The following TUSC3 variants were observed in gnomAD, a reference collection of about 807,000 sequenced individuals.
The protein encoded by TUSC3 is dolichyl-diphosphooligosaccharide--protein glycosyltransferase subunit TUSC3.
Under a neutral mutation model 44.8 loss-of-function variants are expected in TUSC3, and 45 were observed. The observed-to-expected ratio is 1.00, with a 90% CI of 0.79 to 1.29. The LOEUF (loss-of-function observed/expected upper bound fraction) is 1.29. Ranked by LOEUF, TUSC3 falls within the 50% of genes most tolerant of loss-of-function variation. TUSC3 has a pLI of 0.00. For missense variants in TUSC3, 519 were observed against 437.9 expected, an observed-to-expected ratio of 1.19 and a Z score of -1.65; for synonymous variants, 212 against 152.9, an observed-to-expected ratio of 1.39 and a Z score of -2.85.
intron 2 of TUSC3, among the ~76,000 whole-genome samples, chr8:15,508,756 T>A (rs970152117): frequency 2.0e-5 from 3 of 152,146 alleles, no homozygotes; most frequent in African/African-American, 7.2e-5. Context: ...CCACCGCACC[T>A]GTCCTGAAGC....
At chr8:15,504,079 G>A (rs1039581747) in intron 2 of TUSC3, among the ~76,000 whole-genome samples, 3 of 151,434 alleles carry the variant, frequency 2.0e-5, no homozygotes, top group Non-Finnish European at 2.9e-5. Flanking sequence ...TCCACTGCTC[G>A]CTTCAGACTA....
Position 15,543,557 on chromosome 8 carries a change from A to C in TUSC3, c.138+2989A>C, listed in dbSNP as rs182080079. 4.9e-3 allele frequency among the ~76,000 whole-genome samples: 745 copies of C among 152,264 alleles called. 4 individuals carry two copies. The highest frequency in any genetic ancestry group is 9.2e-3 in the Admixed American group (140 of 15,300). The stretch of plus-strand genomic sequence containing the variant: ...TACCCATATCTCAGGTATTATGTAT[A>C]CATGTATGTAACATGTAAAATATAT... On this transcript the variant is annotated intron_variant, in intron 1 of 10. Transcript: ENST00000503731.
At chr8:15,554,464 C>T (rs1354712345) in intron 1 of TUSC3, among the ~76,000 whole-genome samples, 3 of 151,478 alleles carry the variant, frequency 2.0e-5, no homozygotes, top group African/African-American at 7.3e-5. Context: ...GGTGAGCAGC[C>T]TCCCTGACAA....
At chr8:15,516,261 A>G (rs1045220219) in intron 2 of TUSC3, among the ~76,000 whole-genome samples, 4 of 152,202 alleles carry the variant, frequency 2.6e-5, no homozygotes, top group Non-Finnish European at 4.4e-5. Flanking sequence ...TAAAACAATT[A>G]CAGAGGAATG....
intron 8 of TUSC3, among the ~76,000 whole-genome samples, chr8:15,747,363 A>G (rs765301813): frequency 2.6e-5 from 4 of 151,978 alleles, no homozygotes; most frequent in Non-Finnish European, 5.9e-5. Context: ...TAAAAGGTGT[A>G]TTGTGCAAAT....
chr8:15,519,517 A>G (rs1328898004), intron 2 of TUSC3, among the ~76,000 whole-genome samples: 1 of 152,108 alleles, frequency 6.6e-6, no homozygotes, highest in African/African-American at 2.4e-5. Context: ...GTGACAAGCC[A>G]GCATTATGAC....
chr8:15,575,061 T>G (rs1585116324), intron 1 of TUSC3, among the ~76,000 whole-genome samples: 1 of 152,274 alleles, frequency 6.6e-6, no homozygotes, highest in East Asian at 1.9e-4. Context: ...GACTATAAAC[T>G]TATCCGTAGC....
the TUSC3 span, among the ~76,000 whole-genome samples, chr8:15,837,137 G>A: frequency 6.6e-6 from 1 of 151,980 alleles, no homozygotes; most frequent in Non-Finnish European, 1.5e-5. Context: ...ATGCTGTAGT[G>A]GATAAATCTG....
At chr8:15,548,215 C>T (rs1292964405) in intron 1 of TUSC3, among the ~76,000 whole-genome samples, 1 of 151,678 alleles carries the variant, frequency 6.6e-6, no homozygotes, top group Non-Finnish European at 1.5e-5. Flanking sequence ...ATATCTTTGC[C>T]TGATGGTTGT....
In TUSC3 at chr8:15,558,335, T is replaced by G. The variant is rs547537872; in HGVS notation, c.138+17767T>G. ...TTGATTTGCGTATATTGAACCAGCC[T>G]TGCCGTCCCAGGGATGAAGCCCACT... On this transcript the variant is annotated intron_variant, in intron 1 of 10. Transcript: ENST00000503731. Among the ~76,000 whole-genome samples, 6 of 47,512 alleles carry G rather than the reference T, an allele frequency of 1.3e-4. 2 individuals carry two copies. The highest frequency in any genetic ancestry group is 4.3e-4 in the South Asian group (1 of 2,330). 31.2% of individuals were successfully genotyped at this position (47,512 alleles called of 152,430 possible).
intron 1 of TUSC3, among the ~76,000 whole-genome samples, chr8:15,450,165 CATT>C (rs1286878207): frequency 6.6e-6 from 1 of 152,146 alleles, no homozygotes; most frequent in East Asian, 1.9e-4. Context: ...TTACTACTAA[CATT>C]ATTTGTTTCT....
At chr8:15,424,616 T>A (rs551676625) in intron 1 of TUSC3, among the ~76,000 whole-genome samples, 1 of 152,124 alleles carries the variant, frequency 6.6e-6, no homozygotes, top group African/African-American at 2.4e-5. Flanking sequence ...TGCGGTGGCT[T>A]ACGCCTGTAA....
chr8:15,825,721 T>A, the TUSC3 span, among the ~76,000 whole-genome samples: 1 of 152,144 alleles, frequency 6.6e-6, no homozygotes, highest in Admixed American at 6.6e-5. Context: ...GTGAAATATA[T>A]GCACATTGAG....
chr8:15,612,354 CAAGA>C (rs2129159419), intron 1 of TUSC3, among the ~76,000 whole-genome samples: 1 of 152,128 alleles, frequency 6.6e-6, no homozygotes, highest in East Asian at 1.9e-4. Flanking sequence ...AACAAACAAA[CAAGA>C]AAGAGTAAAA....
intron 10 of TUSC3, among the ~76,000 whole-genome samples, chr8:15,759,246 G>A (rs1454341611): frequency 1.3e-5 from 2 of 152,116 alleles, no homozygotes; most frequent in African/African-American, 2.4e-5. Flanking sequence ...CTGAGCAGCT[G>A]CCCCTTACCC....
intron 6 of TUSC3, among the ~76,000 whole-genome samples, chr8:15,698,555 T>C (rs1043946207): frequency 3.9e-5 from 6 of 152,194 alleles, no homozygotes; most frequent in African/African-American, 1.4e-4. Context: ...CAGAAATGTC[T>C]TTATTATGTT....
At chr8:15,691,429 A>G (rs1294617318) in intron 6 of TUSC3, among the ~76,000 whole-genome samples, 1 of 152,180 alleles carries the variant, frequency 6.6e-6, no homozygotes, top group African/African-American at 2.4e-5. Flanking sequence ...GGGGTTTTCT[A>G]GGTGGAGAGT....
chr8:15,848,483 G>C, the TUSC3 span, among the ~76,000 whole-genome samples: 3 of 152,164 alleles, frequency 2.0e-5, no homozygotes, highest in African/African-American at 7.2e-5. Flanking sequence ...CAGCTGTGGT[G>C]CAAGTGGAGC....
chr8:15,546,843 A>G (rs192450773), intron 1 of TUSC3, among the ~76,000 whole-genome samples: 44 of 151,726 alleles, frequency 2.9e-4, no homozygotes, highest in Non-Finnish European at 5.3e-4. Context: ...GCCTAGAAGA[A>G]TAATTTTTTT....
Sources: allele counts gnomAD v4.1 joint callset (sites outside exome capture counted in the v4.1 genomes callset), GRCh38; gene constraint gnomAD v4.1.1; transcripts MANE v1.5; gene names NCBI Gene and HGNC (gene_info 2026-07-23, HGNC 2026-07-21).